Variants in IL1RL2 observed in about 807,000 individuals in gnomAD.
The protein encoded by IL1RL2 is interleukin 1 receptor like 2, also known as interleukin-1 receptor-like 2.
In IL1RL2, 68 loss-of-function variants were observed where a neutral mutation model predicts 66.8. The observed-to-expected ratio is 1.02, with a 90% CI of 0.84 to 1.25. The LOEUF is 1.25. Ranked by LOEUF, IL1RL2 falls within the 50% of genes most tolerant of loss-of-function variation. The pLI is 0.00. For synonymous variants in IL1RL2, 305 were observed against 264.6 expected, an observed-to-expected ratio of 1.15 and a Z score of -1.48; for missense variants, 729 against 709.3, an observed-to-expected ratio of 1.03 and a Z score of -0.32.
At chr2:102,226,081 T>C (rs1690584705) in intron 9 of IL1RL2, 40 bp downstream of exon 9, 1 of 1,499,948 alleles carries the variant, frequency 6.7e-7, no homozygotes, top group African/African-American at 1.4e-5. Context: ...TCAAAATTGG[T>C]ATCCTCTTAT....
At chr2:102,218,285 T>G (rs1201270628) in intron 6 of IL1RL2, among the ~76,000 whole-genome samples, 2 of 152,174 alleles carry the variant, frequency 1.3e-5, no homozygotes, top group East Asian at 1.9e-4. Flanking sequence ...TTCACAATCA[T>G]TTTTTAAAAA....
chr2:102,204,173 A>C (rs555348231), intron 5 of IL1RL2, among the ~76,000 whole-genome samples: 1 of 152,210 alleles, frequency 6.6e-6, no homozygotes, highest in East Asian at 1.9e-4. Flanking sequence ...TTTAATTTCC[A>C]TGTATTTGTA....
At chr2:102,211,443 G>C (rs1205395684) in intron 5 of IL1RL2, among the ~76,000 whole-genome samples, 1 of 152,148 alleles carries the variant, frequency 6.6e-6, no homozygotes, top group Non-Finnish European at 1.5e-5. Context: ...TGGAAATGCA[G>C]AGTTGGAGGA....
At chr2:102,220,496 C>A (rs1039407079) in intron 8 of IL1RL2, among the ~76,000 whole-genome samples, 8 of 152,080 alleles carry the variant, frequency 5.3e-5, no homozygotes, top group African/African-American at 1.9e-4. Flanking sequence ...GAGTACCGTA[C>A]AGAACTAATT....
intron 11 of IL1RL2, among the ~76,000 whole-genome samples, chr2:102,237,800 G>A (rs980975490): frequency 4.6e-5 from 7 of 152,182 alleles, no homozygotes; most frequent in Non-Finnish European, 7.3e-5. Flanking sequence ...GTCCAAATTT[G>A]TATAAGAAAG....
intron 8 of IL1RL2, among the ~76,000 whole-genome samples, chr2:102,222,612 G>A (rs1690238584): frequency 6.6e-6 from 1 of 152,114 alleles, no homozygotes; most frequent in Non-Finnish European, 1.5e-5. Flanking sequence ...GACAAAGGTG[G>A]GTCTTTTGTG....
intron 4 of IL1RL2, among the ~76,000 whole-genome samples, chr2:102,195,565 CTT>C (rs1407318876): frequency 3.9e-4 from 4 of 10,278 alleles, no homozygotes; most frequent in Non-Finnish European, 8.5e-4. Flanking sequence ...CTTTCTCTTT[CTT>C]TCTTTCTTTC....
chr2:102,211,185 T>C (rs1416269534), intron 5 of IL1RL2, among the ~76,000 whole-genome samples: 3 of 152,220 alleles, frequency 2.0e-5, no homozygotes, highest in Non-Finnish European at 4.4e-5. Context: ...ATAAAAGATA[T>C]GTATTTTTGC....
At chr2:102,241,615 G>GT (rs1675233965), downstream of IL1RL2, among the ~76,000 whole-genome samples, 1 of 152,216 alleles carries the variant, frequency 6.6e-6, no homozygotes, top group Non-Finnish European at 1.5e-5. Flanking sequence ...ATGCCGCCAG[G>GT]TAGGGGGGCA....
At chr2:102,235,394 C>T in intron 11 of IL1RL2, 117 bp downstream of exon 11, 1 of 1,488,314 alleles carries the variant, frequency 6.7e-7, no homozygotes, top group Non-Finnish European at 8.9e-7. Context: ...CTGAAGCTGG[C>T]AGTTGCGTAC....
chr2:102,188,599 A>AAAAAAAAG, intron 2 of IL1RL2, among the ~76,000 whole-genome samples: 2 of 151,818 alleles, frequency 1.3e-5, no homozygotes, highest in South Asian at 4.2e-4. Context: ...AAAAAAAAAA[A>AAAAAAAAG]AAAAGGAAAT....
intron 8 of IL1RL2, 38 bp from the exon 9 acceptor site, chr2:102,225,854 TATTATA>T (rs1485868842): frequency 1.2e-5 from 17 of 1,409,470 alleles, no homozygotes; most frequent in Admixed American, 2.6e-5. Context: ...TTTGTTTCAT[TATTATA>T]ATTATAATTA....
At chr2:102,236,334 G>T (rs1408105990) in intron 11 of IL1RL2, among the ~76,000 whole-genome samples, 1 of 152,106 alleles carries the variant, frequency 6.6e-6, no homozygotes, top group East Asian at 1.9e-4. Context: ...GTGTCAGGAG[G>T]CCTGTGGTCT....
intron 8 of IL1RL2, among the ~76,000 whole-genome samples, chr2:102,224,250 A>T (rs1578176492): frequency 6.6e-6 from 1 of 152,234 alleles, no homozygotes. Context: ...TTAGCATATT[A>T]AAGAGATATG....
downstream of IL1RL2, among the ~76,000 whole-genome samples, chr2:102,240,791 T>C (rs1675210228): frequency 6.6e-6 from 1 of 152,238 alleles, no homozygotes; most frequent in Non-Finnish European, 1.5e-5. Context: ...ATCAGCTTTG[T>C]TTGTGGTTTT....
At chr2:102,224,865 C>G (rs1450683400) in intron 8 of IL1RL2, among the ~76,000 whole-genome samples, 1 of 151,880 alleles carries the variant, frequency 6.6e-6, no homozygotes, top group East Asian at 1.9e-4. Flanking sequence ...CTATTATGTA[C>G]CTATAAAATT....
chr2:102,237,325 G>T (rs191158081), intron 11 of IL1RL2, among the ~76,000 whole-genome samples: 86 of 152,336 alleles, frequency 5.6e-4, no homozygotes, highest in African/African-American at 2.0e-3. Flanking sequence ...ACTGCCCCGG[G>T]GTTAGTCAAG....
At chr2:102,210,715 T>C (rs549187994) in intron 5 of IL1RL2, among the ~76,000 whole-genome samples, 2 of 152,216 alleles carry the variant, frequency 1.3e-5, no homozygotes, top group African/African-American at 4.8e-5. Flanking sequence ...TGAAGGAAAA[T>C]GGCTCTGGAG....
downstream of IL1RL2, among the ~76,000 whole-genome samples, chr2:102,241,942 G>A (rs754331749): frequency 2.0e-4 from 30 of 152,150 alleles, no homozygotes; most frequent in East Asian, 1.5e-3. Flanking sequence ...ATGATGTCTC[G>A]GATTTACTTC....
Sources: gnomAD v4.1 joint callset for allele counts (sites outside exome capture counted in the v4.1 genomes callset) on GRCh38, gnomAD v4.1.1 for gene constraint, MANE v1.5 for transcripts, NCBI Gene and HGNC (gene_info 2026-07-23, HGNC 2026-07-21) for gene names.